The following WDCP variants were observed in gnomAD, a reference collection of about 807,000 sequenced individuals.
The protein encoded by WDCP is WD repeat and coiled-coil-containing protein.
A neutral mutation model predicts 41.6 loss-of-function variants in WDCP; 19 were observed. That is an observed-to-expected ratio of 0.46 (90% CI 0.32 to 0.67). The LOEUF is 0.67. Among genes scored for constraint, WDCP ranks in the 30% least tolerant of loss-of-function variants. WDCP has a pLI of 0.04. For missense variants in WDCP, 802 were observed against 850.7 expected, an observed-to-expected ratio of 0.94 and a Z score of 0.71; for synonymous variants, 302 against 320.8, an observed-to-expected ratio of 0.94 and a Z score of 0.63.
In WDCP at chr2:24,038,001, T is replaced by C; in HGVS notation, c.1494A>G (p.Glu498=). The C allele has an allele frequency of 6.2e-7, 1 of 1,614,192 alleles. No homozygotes were observed. Among genetic ancestry groups the C allele is most frequent in the African/African-American group, 1.3e-5 (1 of 75,048 alleles). ...AGATACTAGACAGAGGACTCTGGATTTCTTTAATAAGTGTTCTTCCAGGCC... is the reference window on the plus strand; with the variant it reads ...AGATACTAGACAGAGGACTCTGGATCTCTTTAATAAGTGTTCTTCCAGGCC... ...NGRPGRTLIK[E]IQSPLSSICD... is the part of the protein sequence containing the mutation. The change falls in exon 2 of 4, where the codon GAA becomes GAG. Residue 498 remains glutamate, a synonymous_variant. Coordinates refer to ENST00000295148, the MANE Select transcript of WDCP (RefSeq NM_025203.3).
At chr2:24,040,363 T>A (rs1218151412) in intron 1 of WDCP, among the ~76,000 whole-genome samples, 1 of 152,190 alleles carries the variant, frequency 6.6e-6, no homozygotes, top group African/African-American at 2.4e-5. Context: ...AGTTAGAAAA[T>A]TTTCCAATTA....
In WDCP at chr2:24,045,076, G is replaced by A. The variant is rs1161447567; in HGVS notation, c.-19+2238C>T. On this transcript the variant is annotated intron_variant, in intron 1 of 3. Coordinates refer to ENST00000295148, the MANE Select transcript of WDCP (RefSeq NM_025203.3). ...CAATATGCAGAATGGACCTGAGAAG[G>A]AAGAAAGTTGACAAGTAATTTGAAT... 2.0e-5 allele frequency among the ~76,000 whole-genome samples: 3 copies of A among 152,296 alleles called. No individual in the cohort carries two copies. The South Asian group carries it at 6.2e-4, about 32-fold the overall frequency.
chr2:24,034,308 C>CGCT (rs1663178073), intron 2 of WDCP, among the ~76,000 whole-genome samples: 2 of 152,132 alleles, frequency 1.3e-5, no homozygotes, highest in Non-Finnish European at 2.9e-5. Flanking sequence ...GTAATCCCAA[C>CGCT]TACCTGGGTG....
At chr2:24,032,336 T>C (rs995979995) in intron 3 of WDCP, among the ~76,000 whole-genome samples, 1 of 152,098 alleles carries the variant, frequency 6.6e-6, no homozygotes, top group African/African-American at 2.4e-5. Flanking sequence ...AACCCGTCTC[T>C]ACGAAAATAC....
chr2:24,043,234 G>A (rs1180765217), intron 1 of WDCP, among the ~76,000 whole-genome samples: 2 of 152,288 alleles, frequency 1.3e-5, no homozygotes, highest in East Asian at 3.9e-4. Flanking sequence ...TACTTGGGAG[G>A]CTGAGACACG....
chr2:24,039,916 G>C (rs1663373945), intron 1 of WDCP, among the ~76,000 whole-genome samples: 1 of 151,984 alleles, frequency 6.6e-6, no homozygotes, highest in African/African-American at 2.4e-5. Flanking sequence ...TTCTGCCTCA[G>C]CCTCCAGAGT....
intron 3 of WDCP, among the ~76,000 whole-genome samples, 157 bp downstream of exon 3, chr2:24,032,672 C>A (rs1188203597): frequency 6.6e-6 from 1 of 152,058 alleles, no homozygotes; most frequent in African/African-American, 2.4e-5. Context: ...CAGAGCAAGA[C>A]CCTGTCTCAA....
In WDCP at chr2:24,037,982, T is replaced by C. The variant is rs891081722; in HGVS notation, c.1513A>G (p.Ser505Gly). Reference protein sequence around the residue: ...LIKEIQSPLSSICDGSIALDA... With the variant: ...LIKEIQSPLSGICDGSIALDA... ...AGAGCTATGGAGCCATCACAGATAC[T>C]AGACAGAGGACTCTGGATTTCTTTA... Residue 505 changes from serine (S) to glycine (G), a missense_variant, in exon 2 of 4, where the codon AGT (serine) becomes GGT (glycine). Coordinates refer to ENST00000295148, the MANE Select transcript of WDCP (RefSeq NM_025203.3). 5 of 1,614,100 alleles carry C rather than the reference T, an allele frequency of 3.1e-6. No homozygotes were observed. In the African/African-American group the frequency reaches 5.3e-5, roughly 17 times the overall value.
At chr2:24,037,605 T>G in intron 2 of WDCP, 72 bp downstream of exon 2, 1 of 1,426,700 alleles carries the variant, frequency 7.0e-7, no homozygotes, top group Non-Finnish European at 9.4e-7. Context: ...TCCTCATCAA[T>G]ACGTTTCTTG....
Position 24,030,858 on chromosome 2 carries a change from G to A in WDCP, c.*75C>T, listed in dbSNP as rs559961538. 11 of 1,145,736 alleles carry A rather than the reference G, an allele frequency of 9.6e-6. No individual in the cohort carries two copies. Among genetic ancestry groups the A allele is most frequent in the East Asian group, 2.4e-5 (1 of 42,162 alleles). 71.0% of individuals were successfully genotyped at this position (1,145,736 alleles called of 1,614,324 possible). On this transcript the variant is annotated 3_prime_UTR_variant, in exon 4 of 4. Transcript: ENST00000295148. ...TGAGTGCAGTGGGAGTCTCATTGGCGAGTGTCCAGTGTCAAGCAGGCCTTG... is the reference window on the plus strand; with the variant it reads ...TGAGTGCAGTGGGAGTCTCATTGGCAAGTGTCCAGTGTCAAGCAGGCCTTG...
chr2:24,035,525 AAGAC>A (rs1328636979), intron 2 of WDCP, among the ~76,000 whole-genome samples: 5 of 152,304 alleles, frequency 3.3e-5, no homozygotes, highest in South Asian at 4.1e-4. Flanking sequence ...CTATTAAAAA[AAGAC>A]AGAAGAAAAA....
intron 1 of WDCP, among the ~76,000 whole-genome samples, chr2:24,042,535 C>CA (rs35044474): frequency 0.32 from 19,565 of 60,784 alleles, 2,984 homozygotes; most frequent in African/African-American, 0.44. Context: ...TACTCCGTCT[C>CA]AAAAAAAAAA....
chr2:24,035,323 TG>T (rs574858369), intron 2 of WDCP, among the ~76,000 whole-genome samples: 1,540 of 130,616 alleles, frequency 0.012, 32 homozygotes, highest in African/African-American at 0.041. Context: ...TTCCCTTTTG[TG>T]TAACAAAAGG....
chr2:24,042,227 C>T (rs1344955494), intron 1 of WDCP, among the ~76,000 whole-genome samples: 1 of 151,868 alleles, frequency 6.6e-6, no homozygotes, highest in African/African-American at 2.4e-5. Flanking sequence ...CGTGGAGAAA[C>T]CCCATCTCTA....
At chr2:24,033,780 G>A (rs1269515170) in intron 2 of WDCP, among the ~76,000 whole-genome samples, 2 of 151,684 alleles carry the variant, frequency 1.3e-5, no homozygotes, top group South Asian at 2.1e-4. Flanking sequence ...TATAAGTTAT[G>A]TGTCTAACTT....
chr2:24,038,814 C>T lies in WDCP; in HGVS notation c.681G>A (p.Lys227=), dbSNP rs199508606. ...VAIATELPLD[K]ICGLNASETF... The stretch of plus-strand genomic sequence containing the variant: ...TTTCAGATGCATTTAAGCCACAGAT[C>T]TTATCCAATGGAAGCTCAGTAGCTA... Residue 227 remains lysine (K), a synonymous_variant, in exon 2 of 4, where the codon AAG becomes AAA. Transcript: ENST00000295148. 16 of 1,614,200 alleles carry T rather than the reference C, an allele frequency of 9.9e-6. No homozygotes were observed. In the Admixed American group the frequency reaches 2.0e-4, roughly 20 times the overall value.
intron 2 of WDCP, among the ~76,000 whole-genome samples, chr2:24,034,221 G>C (rs957036193): frequency 6.6e-6 from 1 of 152,182 alleles, no homozygotes; most frequent in African/African-American, 2.4e-5. Flanking sequence ...AGGAGTTCGA[G>C]ACCAGCCTGG....
chr2:24,044,048 A>G (rs1663535949), intron 1 of WDCP, among the ~76,000 whole-genome samples: 2 of 152,216 alleles, frequency 1.3e-5, no homozygotes, highest in African/African-American at 4.8e-5. Context: ...TTTCTCCCTA[A>G]TATCTACTTA....
Position 24,038,710 on chromosome 2 carries a change from T to G in WDCP, c.785A>C (p.Lys262Thr). The G allele has an allele frequency of 6.2e-7, 1 of 1,614,212 alleles. No homozygotes were observed. The highest frequency in any genetic ancestry group is 8.5e-7 in the Non-Finnish European group (1 of 1,180,010). Residue 262 changes from lysine (K) to threonine (T), a missense_variant, in exon 2 of 4, where the codon AAA (lysine) becomes ACA (threonine). Physicochemically the swap from Lys to Thr is moderately conservative, Grantham distance 78. Around this residue, in one of 5 missense-constraint regions of WDCP, gnomAD observed 247 missense variants for 240.5 expected, o/e 1.03. Transcript: ENST00000295148. ...ATTTGTTTCAGAATCAGTTGCCTCTTTATCCATAGAGCGTACTTCACCAAT... is the reference window on the plus strand; with the variant it reads ...ATTTGTTTCAGAATCAGTTGCCTCTGTATCCATAGAGCGTACTTCACCAAT... ...PVIGEVRSMD[K>T]EATDSETNSE...
Sources: gnomAD v4.1 joint callset for allele counts (sites outside exome capture counted in the v4.1 genomes callset) on GRCh38, gnomAD v4.1.1 for gene constraint, gnomAD v4.1.1 regional missense constraint, MANE v1.5 for transcripts, NCBI Gene and HGNC (gene_info 2026-07-23, HGNC 2026-07-21) for gene names.